Variants in TCF7L1 observed in about 807,000 individuals in gnomAD.
TCF7L1 encodes transcription factor 7 like 1.
TCF7L1 carries 18 observed loss-of-function variants against 63.7 expected under a neutral mutation model. That is an observed-to-expected ratio of 0.28 (90% CI 0.20 to 0.42). The LOEUF (loss-of-function observed/expected upper bound fraction) is 0.42. Ranked by LOEUF, TCF7L1 falls within the 10% of genes least tolerant of loss-of-function variation. The pLI is 1.00. For synonymous variants in TCF7L1, 355 were observed against 340.9 expected (o/e 1.04, Z -0.46); for missense variants, 654 against 779.3 (o/e 0.84, Z 1.91).
intron 3 of TCF7L1, among the ~76,000 whole-genome samples, chr2:85,199,795 C>T (rs1487333189): frequency 6.6e-6 from 1 of 152,106 alleles, no homozygotes; most frequent in African/African-American, 2.4e-5. Flanking sequence ...AAATCACATA[C>T]CATGAAATTC....
At chr2:85,295,630 G>C (rs886841470) in intron 4 of TCF7L1, among the ~76,000 whole-genome samples, 2 of 151,534 alleles carry the variant, frequency 1.3e-5, no homozygotes, top group East Asian at 1.9e-4. Context: ...CTCTCTCTCT[G>C]TTTTTTCTTT....
rs1292251257 is a variant in TCF7L1, at chr2:85,306,828, C to T, written c.1257+269C>T. Among the ~76,000 whole-genome samples, 1 of 152,052 alleles carries T rather than the reference C, an allele frequency of 6.6e-6. No individual in the cohort carries two copies. Among genetic ancestry groups the T allele is most frequent in the Non-Finnish European group, 1.5e-5 (1 of 68,032 alleles). ...TACAGGCACCTGCCACCACACCCGG[C>T]TAATTTTTTGTATTTTTAGTAGAGA... On this transcript the variant is annotated intron_variant, in intron 10 of 11. Coordinates refer to ENST00000282111, the MANE Select transcript of TCF7L1 (RefSeq NM_031283.3). This position sits in a 1 kb window ranked among gnomAD's most constrained non-coding sequence, Gnocchi z 4.3.
chr2:85,152,435 C>CT (rs67994195), intron 3 of TCF7L1, among the ~76,000 whole-genome samples: 55,525 of 129,974 alleles, frequency 0.43, 13,411 homozygotes, highest in East Asian at 0.83. Context: ...TTCTCTCTCT[C>CT]TCTTTTTTTT....
Position 85,222,351 on chromosome 2 carries a change from A to C in TCF7L1, c.442-61144A>C, listed in dbSNP as rs1423603543. Among the ~76,000 whole-genome samples the C allele has an allele frequency of 6.9e-5, 10 of 145,068 alleles. No homozygotes were observed. In the East Asian group the frequency reaches 1.8e-3, roughly 26 times the overall value. ...GTGAGACTCCATCTCAAAAAAAAAAACAAACAAACAAACAAAAAAAAAAAC... is the reference window on the plus strand; with the variant it reads ...GTGAGACTCCATCTCAAAAAAAAAACCAAACAAACAAACAAAAAAAAAAAC... On this transcript the variant is annotated intron_variant, in intron 3 of 11. Coordinates refer to ENST00000282111, the MANE Select transcript of TCF7L1 (RefSeq NM_031283.3).
chr2:85,158,185 A>G (rs1028977663), intron 3 of TCF7L1, among the ~76,000 whole-genome samples: 3 of 152,170 alleles, frequency 2.0e-5, no homozygotes, highest in Non-Finnish European at 4.4e-5. Context: ...ATGGCCCTCA[A>G]CGTCCACCCC....
chr2:85,134,782 A>G lies in TCF7L1; in HGVS notation c.441+332A>G, dbSNP rs576903111. Among the ~76,000 whole-genome samples, 1 of 152,152 alleles carries G rather than the reference A, an allele frequency of 6.6e-6. No individual in the cohort carries two copies. The highest frequency in any genetic ancestry group is 2.4e-5 in the African/African-American group (1 of 41,506). ...GGGGGGGTCTCGCTTTCCTTCTTGGAAATCGGTCAGCTTTCTCTGGCAGTG... is the reference window on the plus strand; with the variant it reads ...GGGGGGGTCTCGCTTTCCTTCTTGGGAATCGGTCAGCTTTCTCTGGCAGTG... On this transcript the variant is annotated intron_variant, in intron 3 of 11. Coordinates refer to ENST00000282111, the MANE Select transcript of TCF7L1 (RefSeq NM_031283.3). The surrounding 1 kb of genome is among the most constrained non-coding windows in gnomAD (Gnocchi z 5.0).
At position 85,306,334 on chromosome 2, in the gene TCF7L1, G is replaced by A. The variant is rs1390335578; in HGVS notation, c.1118G>A (p.Ser373Asn). Residue 373 changes from serine (S) to asparagine (N), a missense_variant, in exon 9 of 12, where the codon AGT becomes AAT. Physicochemically the swap from Ser to Asn is conservative, Grantham distance 46. Transcript: ENST00000282111. The surrounding 1 kb of genome is among the most constrained non-coding windows in gnomAD (Gnocchi z 4.3). ...KVVAECTLKE[S>N]AAINQILGRK... ...GTGGCTGAGTGCACCCTGAAGGAAA[G>A]TGCAGCCATTAACCAGATCCTTGGA... The A allele has an allele frequency of 6.2e-7, 1 of 1,614,214 alleles. No homozygotes were observed. Among genetic ancestry groups the A allele is most frequent in the Non-Finnish European group, 8.5e-7 (1 of 1,180,038 alleles).
chr2:85,222,399 G>T (rs1377390925), intron 3 of TCF7L1, among the ~76,000 whole-genome samples: 1 of 151,118 alleles, frequency 6.6e-6, no homozygotes, highest in Non-Finnish European at 1.5e-5. Flanking sequence ...GCCAGGCGTG[G>T]TGGTTCACGC....
At chr2:85,153,645 T>C (rs1678075521) in intron 3 of TCF7L1, among the ~76,000 whole-genome samples, 1 of 152,116 alleles carries the variant, frequency 6.6e-6, no homozygotes, top group African/African-American at 2.4e-5. Context: ...CCGGCTAGCC[T>C]CTATAAAATT....
chr2:85,169,253 G>T (rs377274988), intron 3 of TCF7L1, among the ~76,000 whole-genome samples: 1 of 151,840 alleles, frequency 6.6e-6, no homozygotes, highest in Non-Finnish European at 1.5e-5. Flanking sequence ...AACACACCTA[G>T]TGCGCTTCTA....
intron 3 of TCF7L1, among the ~76,000 whole-genome samples, chr2:85,183,499 G>C (rs749827533): frequency 6.6e-6 from 1 of 152,146 alleles, no homozygotes; most frequent in Non-Finnish European, 1.5e-5. Context: ...TGTCTTTCTT[G>C]GTGTCTTTGC....
intron 3 of TCF7L1, chr2:85,187,201 G>C (rs958191127): frequency 1.3e-5 from 2 of 152,074 alleles, no homozygotes; most frequent in African/African-American, 2.4e-5. Flanking sequence ...CCTCTCAGCT[G>C]TCAGCTAAAG....
rs1677520017 is a variant in TCF7L1 at position 85,133,863 on chromosome 2, G to A, written c.179G>A (p.Arg60Gln). The A allele has an allele frequency of 6.6e-7, 1 of 1,514,330 alleles. No individual in the cohort carries two copies. The highest frequency in any genetic ancestry group is 8.8e-7 in the Non-Finnish European group (1 of 1,131,382). The allele number at this position is 1,514,330 out of a possible 1,614,324, so 93.8% of individuals were successfully genotyped here. The change falls in exon 1 of 12, where the codon CGG (arginine) becomes CAG (glutamine). Residue 60 changes from arginine to glutamine, a missense_variant. Arg to Gln is a conservative substitution (Grantham distance 43). Around this residue, in one of 3 missense-constraint regions of TCF7L1, gnomAD observed 404 missense variants for 454.8 expected, o/e 0.89. Transcript: ENST00000282111. The surrounding 1 kb of genome is among the most constrained non-coding windows in gnomAD (Gnocchi z 4.4). ...EPSSDSASAQ[R>Q]DLDEVKSSLV... ...AGCAGCGATAGCGCCTCGGCGCAGCGGGACCTAGACGAGGTCAAGTCGTCC... is the reference window on the plus strand; with the variant it reads ...AGCAGCGATAGCGCCTCGGCGCAGCAGGACCTAGACGAGGTCAAGTCGTCC...
At chr2:85,164,247 C>T (rs1233460113) in intron 3 of TCF7L1, among the ~76,000 whole-genome samples, 4 of 152,152 alleles carry the variant, frequency 2.6e-5, no homozygotes, top group South Asian at 2.1e-4. Context: ...TGGGTACACT[C>T]AGAGGATGAT....
chr2:85,185,841 G>T lies in TCF7L1; in HGVS notation c.441+51391G>T, dbSNP rs548331760. On this transcript the variant is annotated intron_variant, in intron 3 of 11. Coordinates refer to ENST00000282111, the MANE Select transcript of TCF7L1 (RefSeq NM_031283.3). ...TCACTGTGCGGGTAGCCCCATGTTG[G>T]TGGAGGCCTCCTAGTCTGTTTGTAT... 1.4e-4 allele frequency among the ~76,000 whole-genome samples: 22 copies of T among 152,248 alleles called. No individual in the cohort carries two copies. In the East Asian group the frequency reaches 3.9e-3, roughly 27 times the overall value.
chr2:85,153,610 G>A (rs1450721979), intron 3 of TCF7L1, among the ~76,000 whole-genome samples: 1 of 151,990 alleles, frequency 6.6e-6, no homozygotes, highest in Non-Finnish European at 1.5e-5. Flanking sequence ...CAAAGTCCTG[G>A]GATTACAGGC....
intron 3 of TCF7L1, among the ~76,000 whole-genome samples, chr2:85,150,163 C>T (rs1677973273): frequency 6.6e-6 from 1 of 151,376 alleles, no homozygotes. Context: ...TTCAACATCA[C>T]ATCTTATGCT....
At chr2:85,141,977 C>G (rs1298499678) in intron 3 of TCF7L1, among the ~76,000 whole-genome samples, 1 of 152,196 alleles carries the variant, frequency 6.6e-6, no homozygotes, top group African/African-American at 2.4e-5. Flanking sequence ...CCTCTCCATC[C>G]TCTCATAAAG....
chr2:85,146,151 C>A (rs1176117727), intron 3 of TCF7L1, among the ~76,000 whole-genome samples: 3 of 152,178 alleles, frequency 2.0e-5, no homozygotes, highest in Non-Finnish European at 4.4e-5. Context: ...TTTAGTGTTC[C>A]AGGGCACTAT....
Sources: gnomAD v4.1 joint callset for allele counts (sites outside exome capture counted in the v4.1 genomes callset) on GRCh38, gnomAD v4.1.1 for gene constraint, gnomAD v4.1.1 regional missense constraint, Gnocchi (gnomAD v3.1) non-coding constraint, MANE v1.5 for transcripts, NCBI Gene and HGNC (gene_info 2026-07-23, HGNC 2026-07-21) for gene names.